The following NEB variants were observed in gnomAD, a reference collection of about 807,000 sequenced individuals.
NEB encodes nebulin.
A neutral mutation model predicts 952.2 loss-of-function variants in NEB; 512 were observed. The observed-to-expected ratio is 0.54, with a 90% CI of 0.50 to 0.58. The LOEUF (loss-of-function observed/expected upper bound fraction) is 0.58, where lower values mean the gene tolerates loss of function less well. NEB is among the 20% of genes least tolerant of loss of function. The pLI is 0.00. For missense variants in NEB, 8,428 were observed against 9,231.1 expected, an observed-to-expected ratio of 0.91 and a Z score of 3.56; for synonymous variants, 2,900 against 3,149.8, an observed-to-expected ratio of 0.92 and a Z score of 2.66.
intron 124 of NEB, among the ~76,000 whole-genome samples, chr2:151,558,391 C>T (rs1001966082): frequency 6.6e-6 from 1 of 152,152 alleles, no homozygotes; most frequent in African/African-American, 2.4e-5. Flanking sequence ...GAAAAACATT[C>T]TATGCTCATG....
rs761076471 is a variant in NEB at position 151,493,841 on chromosome 2, T to G, written c.24606A>C (p.Lys8202Asn). 4.4e-6 allele frequency: 7 copies of G among 1,577,314 alleles called. No individual in the cohort carries two copies. The highest frequency in any genetic ancestry group is 6.0e-6 in the Non-Finnish European group (7 of 1,160,652). The change falls in exon 175 of 182, where the codon AAA becomes AAC. Residue 8202 changes from lysine to asparagine, a missense_variant. Physicochemically the swap from Lys to Asn is moderately conservative, Grantham distance 94. Coordinates refer to ENST00000397345, the MANE Select transcript of NEB (RefSeq NM_001164508.2). Reference protein sequence around the residue: ...SSVLYKENLGKATPTPFTPEM... With the variant: ...SSVLYKENLGNATPTPFTPEM... The stretch of plus-strand genomic sequence containing the variant: ...CAGGAGTAAAGGGTGTGGGGGTTGC[T>G]TTCCCCAGGTTCTCTTTGTATAACA...
chr2:151,540,244 GTT>G, intron 138 of NEB, 98 bp downstream of exon 138: 1 of 724,140 alleles, frequency 1.4e-6, no homozygotes. Context: ...CTAGGCCATG[GTT>G]TAGAACTATG....
chr2:151,516,390 G>A, intron 157 of NEB, 69 bp downstream of exon 157: 1 of 1,096,280 alleles, frequency 9.1e-7, no homozygotes, highest in Non-Finnish European at 1.4e-6. Flanking sequence ...AACTGGCCAT[G>A]TCATGGGCAG....
intron 13 of NEB, among the ~76,000 whole-genome samples, chr2:151,702,705 T>C (rs1362745152): frequency 3.9e-5 from 6 of 151,954 alleles, no homozygotes; most frequent in Non-Finnish European, 5.9e-5. Flanking sequence ...CTTTTTTTTG[T>C]TTTCCATTTG....
chr2:151,692,735 C>T (rs1656824274), intron 20 of NEB, among the ~76,000 whole-genome samples: 1 of 152,086 alleles, frequency 6.6e-6, no homozygotes, highest in African/African-American at 2.4e-5. Context: ...TTTGGGAAGC[C>T]AAGGTGGGCA....
intron 13 of NEB, among the ~76,000 whole-genome samples, chr2:151,701,303 C>A (rs1003347880): frequency 6.6e-6 from 1 of 151,860 alleles, no homozygotes; most frequent in Non-Finnish European, 1.5e-5. Flanking sequence ...CAATATTCAT[C>A]AAGGATATTG....
chr2:151,684,350 T>C (rs945635191), intron 28 of NEB, among the ~76,000 whole-genome samples: 1 of 152,232 alleles, frequency 6.6e-6, no homozygotes, highest in African/African-American at 2.4e-5. Context: ...TTAAATCATA[T>C]ATTTTCTTTT....
In NEB at chr2:151,639,235, C is replaced by T. The variant is rs1334907791; in HGVS notation, c.8994+45G>A. 8 of 1,406,590 alleles carry T rather than the reference C, an allele frequency of 5.7e-6. No homozygotes were observed. In the Admixed American group the frequency reaches 7.9e-5, roughly 14 times the overall value. The allele number at this position is 1,406,590 out of a possible 1,614,324, so 87.1% of individuals were successfully genotyped here. On this transcript the variant is annotated intron_variant, in intron 63 of 181. Coordinates refer to ENST00000397345, the MANE Select transcript of NEB (RefSeq NM_001164508.2). ...ATCATGTCATCATAGAGTAGATCAA[C>T]TGAAATAAGCAGCAGTGTGCAAATG...
chr2:151,562,613 C>G lies in NEB; in HGVS notation c.18889G>C (p.Asp6297His), dbSNP rs1330856187. 1 of 1,566,704 alleles carries G rather than the reference C, an allele frequency of 6.4e-7. No homozygotes were observed. The highest frequency in any genetic ancestry group is 1.7e-5 in the Admixed American group (1 of 58,536). ...RVRNAQEILSDNVYKDDLNWL... is the reference protein window; with the variant it reads ...RVRNAQEILSHNVYKDDLNWL... ...AAGCTGCAGAAGGGACATCATACAT[C>G]ACTCAAGATCTCCTGGGCGTTTCGG... The change falls in exon 120 of 182, where the codon GAT becomes CAT. Residue 6297 changes from aspartate to histidine, a missense_variant and splice_region_variant. Physicochemically the swap from Asp to His is moderately conservative, Grantham distance 81. Around this residue, in one of 11 missense-constraint regions of NEB, gnomAD observed 3,374 missense variants for 3,651.5 expected, o/e 0.92. Transcript: ENST00000397345.
chr2:151,650,567 A>G lies in NEB; in HGVS notation c.7227+7T>C, dbSNP rs752127208. 1.0e-5 allele frequency: 16 copies of G among 1,551,398 alleles called. No homozygotes were observed. The highest frequency in any genetic ancestry group is 1.4e-5 in the Non-Finnish European group (16 of 1,152,878). ...TATATAAACTATTGGATTTAATAGA[A>G]ACTGACCTCACTTTGCAGTTCATAA... is the stretch of plus-strand genomic sequence containing the variant. On this transcript the variant is annotated splice_region_variant and intron_variant, in intron 53 of 181. Coordinates refer to ENST00000397345, the MANE Select transcript of NEB (RefSeq NM_001164508.2).
At position 151,562,099 on chromosome 2, in the gene NEB, A is replaced by G. The variant is rs2096105111; in HGVS notation, c.18996+11T>C. 1 of 1,605,178 alleles carries G rather than the reference A, an allele frequency of 6.2e-7. No homozygotes were observed. The highest frequency in any genetic ancestry group is 8.5e-7 in the Non-Finnish European group (1 of 1,172,150). On this transcript the variant is annotated intron_variant, in intron 121 of 181. Coordinates refer to ENST00000397345, the MANE Select transcript of NEB (RefSeq NM_001164508.2). ...CCATGGAGAACCAGTCCTTCTAGGA[A>G]GGTGGCTCACCTGACTCTGAAGGTC...
At chr2:151,669,320 C>A (rs556575814) in intron 38 of NEB, among the ~76,000 whole-genome samples, 189 bp from the exon 39 acceptor site, 19 of 152,230 alleles carry the variant, frequency 1.2e-4, no homozygotes, top group African/African-American at 4.6e-4. Flanking sequence ...ATTTATTGGA[C>A]AGCACTGTGG....
At chr2:151,714,684 T>C (rs2099754446) in intron 10 of NEB, among the ~76,000 whole-genome samples, 1 of 152,146 alleles carries the variant, frequency 6.6e-6, no homozygotes, top group Admixed American at 6.5e-5. Context: ...CAAGGGGATA[T>C]TGAGTTTAAA....
chr2:151,490,543 A>C (rs757625697), intron 179 of NEB, 25 bp from the exon 180 acceptor site: 13 of 1,603,568 alleles, frequency 8.1e-6, no homozygotes, highest in African/African-American at 1.3e-5. Context: ...GTTGGGGGAG[A>C]TGTAGCAAAC....
chr2:151,632,633 G>T (rs182818106), intron 65 of NEB, among the ~76,000 whole-genome samples: 245 of 145,336 alleles, frequency 1.7e-3, no homozygotes, highest in South Asian at 4.6e-3. Flanking sequence ...CCGAGATCGC[G>T]CCACTGCACT....
intron 63 of NEB, among the ~76,000 whole-genome samples, chr2:151,637,449 TAAG>T (rs2098782895): frequency 6.6e-6 from 1 of 152,212 alleles, no homozygotes; most frequent in South Asian, 2.1e-4. Context: ...CGCCTCATTC[TAAG>T]AAGTTGGTGT....
intron 124 of NEB, 135 bp from the exon 125 acceptor site, chr2:151,555,179 T>G: frequency 1.6e-6 from 1 of 641,688 alleles, no homozygotes; most frequent in Non-Finnish European, 2.8e-6. Flanking sequence ...TTCTCTGAAC[T>G]CATTTCCCCA....
At chr2:151,489,218 TC>T (rs2053973039) in intron 181 of NEB, among the ~76,000 whole-genome samples, 2 of 152,358 alleles carry the variant, frequency 1.3e-5, no homozygotes, top group African/African-American at 4.8e-5. Flanking sequence ...CAAAGATTGT[TC>T]ATATCAATCC....
At chr2:151,558,941 G>C (rs1273990479) in intron 124 of NEB, among the ~76,000 whole-genome samples, 1 of 151,168 alleles carries the variant, frequency 6.6e-6, no homozygotes, top group African/African-American at 2.4e-5. Context: ...AAGGCCATTG[G>C]AATCTAATTA....
Sources: gnomAD v4.1 joint callset for allele counts (sites outside exome capture counted in the v4.1 genomes callset) on GRCh38, gnomAD v4.1.1 for gene constraint, gnomAD v4.1.1 regional missense constraint, MANE v1.5 for transcripts, NCBI Gene and HGNC (gene_info 2026-07-23, HGNC 2026-07-21) for gene names.